Variants in PTPRM observed in about 807,000 individuals in gnomAD.
PTPRM encodes receptor-type tyrosine-protein phosphatase mu.
PTPRM carries 47 observed loss-of-function variants against 186.7 expected under a neutral mutation model. That is an observed-to-expected ratio of 0.25 (90% CI 0.20 to 0.32). PTPRM has a LOEUF of 0.32. Among genes scored for constraint, PTPRM ranks in the 10% least tolerant of loss-of-function variants. The pLI, the probability that PTPRM is intolerant of heterozygous loss-of-function variation, is 1.00. For synonymous variants in PTPRM, 668 were observed against 674.9 expected, an observed-to-expected ratio of 0.99 and a Z score of 0.16; for missense variants, 1,494 against 1,865.0, an observed-to-expected ratio of 0.80 and a Z score of 3.66.
At chr18:8,021,110 G>A (rs1363976840) in intron 7 of PTPRM, among the ~76,000 whole-genome samples, 2 of 152,106 alleles carry the variant, frequency 1.3e-5, no homozygotes, top group Non-Finnish European at 2.9e-5. Context: ...CTGAGTAGCA[G>A]TACCTGTTGA....
intron 14 of PTPRM, among the ~76,000 whole-genome samples, chr18:8,207,959 A>G (rs1408030539): frequency 6.6e-6 from 1 of 152,230 alleles, no homozygotes; most frequent in Non-Finnish European, 1.5e-5. Flanking sequence ...TATATCTGCC[A>G]ACAAATATTC....
intron 11 of PTPRM, among the ~76,000 whole-genome samples, chr18:8,089,487 G>A (rs1293894022): frequency 2.0e-5 from 3 of 152,102 alleles, no homozygotes; most frequent in Admixed American, 1.3e-4. Context: ...CCACGACAGA[G>A]CAAAGGATGC....
chr18:8,384,669 A>G lies in PTPRM; in HGVS notation c.4027A>G (p.Ile1343Val), dbSNP rs140015121. 6.2e-7 allele frequency: 1 copy of G among 1,614,154 alleles called. No homozygotes were observed. The change falls in exon 30 of 33, where the codon ATT (isoleucine) becomes GTT (valine). Residue 1343 changes from isoleucine to valine, a missense_variant. Physicochemically the swap from Ile to Val is conservative, Grantham distance 29. This residue lies in a region of PTPRM where 1,107 missense variants were observed against 1,350.2 expected (regional missense o/e 0.82). Coordinates refer to ENST00000580170, the MANE Select transcript of PTPRM (RefSeq NM_001105244.2). ...GGACATCATCAGCAGGATATTCCGCATTTACAATGCCGCCAGAGTAAGAGA... is the reference window on the plus strand; with the variant it reads ...GGACATCATCAGCAGGATATTCCGCGTTTACAATGCCGCCAGAGTAAGAGA... ...EEDIISRIFR[I>V]YNAARPQDGY...
intron 7 of PTPRM, among the ~76,000 whole-genome samples, chr18:8,068,941 T>TAC (rs1056987256): frequency 2.0e-5 from 3 of 151,408 alleles, no homozygotes; most frequent in South Asian, 2.1e-4. Context: ...CGACTAGAAA[T>TAC]ACACACACAC....
chr18:7,827,382 A>G (rs928784519), intron 2 of PTPRM, among the ~76,000 whole-genome samples: 22 of 152,072 alleles, frequency 1.4e-4, no homozygotes, highest in Non-Finnish European at 2.8e-4. Context: ...TTTCTATTAA[A>G]ATTCACCTAA....
chr18:8,001,110 A>G (rs2147768414), intron 7 of PTPRM, among the ~76,000 whole-genome samples: 1 of 152,292 alleles, frequency 6.6e-6, no homozygotes. Flanking sequence ...GAGCAGGGTA[A>G]CATGCTACAT....
chr18:8,157,380 C>T (rs777256466), intron 14 of PTPRM, among the ~76,000 whole-genome samples: 7 of 152,182 alleles, frequency 4.6e-5, no homozygotes, highest in Admixed American at 3.9e-4. Flanking sequence ...TCTTTGTGTC[C>T]GGACATGGGA....
At chr18:8,302,886 G>A (rs1379271795) in intron 20 of PTPRM, among the ~76,000 whole-genome samples, 1 of 152,050 alleles carries the variant, frequency 6.6e-6, no homozygotes, top group Non-Finnish European at 1.5e-5. Context: ...GAGATCAACA[G>A]CAGCTTATGA....
At chr18:7,710,991 T>A (rs563454032) in intron 1 of PTPRM, among the ~76,000 whole-genome samples, 1 of 151,942 alleles carries the variant, frequency 6.6e-6, no homozygotes, top group East Asian at 1.9e-4. Context: ...AGCTACAGAG[T>A]CAACTCAGTT....
At chr18:7,888,796 C>A (rs538781073) in intron 3 of PTPRM, among the ~76,000 whole-genome samples, 31 of 151,978 alleles carry the variant, frequency 2.0e-4, no homozygotes, top group Non-Finnish European at 4.3e-4. Flanking sequence ...TAGTGTGCAG[C>A]CATAAAAAAG....
chr18:7,856,970 C>A (rs150689813), intron 2 of PTPRM, among the ~76,000 whole-genome samples: 1 of 152,308 alleles, frequency 6.6e-6, no homozygotes, highest in African/African-American at 2.4e-5. Context: ...CTCTTGCCCT[C>A]GCTCCTGAAA....
At chr18:7,720,500 A>G (rs1297441005) in intron 1 of PTPRM, among the ~76,000 whole-genome samples, 1 of 152,208 alleles carries the variant, frequency 6.6e-6, no homozygotes. Context: ...AATCCATACT[A>G]CATAAAATTT....
At chr18:7,897,451 A>C (rs2049420857) in intron 3 of PTPRM, among the ~76,000 whole-genome samples, 1 of 152,216 alleles carries the variant, frequency 6.6e-6, no homozygotes, top group Non-Finnish European at 1.5e-5. Flanking sequence ...TCTCTCAAGC[A>C]GGAAAGCTAG....
chr18:8,243,021 C>T (rs1243952725), intron 14 of PTPRM, among the ~76,000 whole-genome samples: 1 of 152,246 alleles, frequency 6.6e-6, no homozygotes, highest in Non-Finnish European at 1.5e-5. Context: ...CTTAAACCTT[C>T]TCACTGTATA....
At position 8,370,967 on chromosome 18, in the gene PTPRM, A is replaced by G; in HGVS notation, c.3132A>G (p.Leu1044=). 1 of 1,604,030 alleles carries G rather than the reference A, an allele frequency of 6.2e-7. No individual in the cohort carries two copies. ...DIKVTLIETE[L]LAEYVIRTFA... ...AAGTTACCCTAATAGAAACAGAACTACTGGCAGAATATGTGATAAGAACAT... is the reference window on the plus strand; with the variant it reads ...AAGTTACCCTAATAGAAACAGAACTGCTGGCAGAATATGTGATAAGAACAT... Residue 1044 remains leucine, a synonymous_variant, in exon 24 of 33, where the codon CTA becomes CTG. Transcript: ENST00000580170.
intron 23 of PTPRM, among the ~76,000 whole-genome samples, chr18:8,356,479 A>T (rs1428757251): frequency 1.3e-5 from 2 of 152,178 alleles, no homozygotes; most frequent in Non-Finnish European, 1.5e-5. Context: ...ACAGGCGTGG[A>T]CACACTTAAA....
At position 8,394,943 on chromosome 18, in the gene PTPRM, G is replaced by A. The variant is rs143596038; in HGVS notation, c.4344+332G>A. 6.5e-3 allele frequency among the ~76,000 whole-genome samples: 995 copies of A among 152,210 alleles called. 8 individuals are homozygous for A. The highest frequency in any genetic ancestry group is 0.02 in the South Asian group (96 of 4,814). ...CACAGAGAAGAAATAATCATAGTACGTGAAATGCCAGATTTTCAAATTATA... is the reference window on the plus strand; with the variant it reads ...CACAGAGAAGAAATAATCATAGTACATGAAATGCCAGATTTTCAAATTATA... On this transcript the variant is annotated intron_variant, in intron 32 of 32. Coordinates refer to ENST00000580170, the MANE Select transcript of PTPRM (RefSeq NM_001105244.2).
intron 7 of PTPRM, among the ~76,000 whole-genome samples, chr18:8,001,135 A>C (rs1051040274): frequency 2.6e-5 from 4 of 152,186 alleles, no homozygotes; most frequent in African/African-American, 9.7e-5. Context: ...CATGTGCCTG[A>C]AGTCATGGGT....
At chr18:7,776,913 A>G (rs1022201931) in intron 2 of PTPRM, among the ~76,000 whole-genome samples, 1 of 152,196 alleles carries the variant, frequency 6.6e-6, no homozygotes, top group African/African-American at 2.4e-5. Context: ...TTTTAAACTG[A>G]GTTTCCAATA....
Sources: allele counts gnomAD v4.1 joint callset (sites outside exome capture counted in the v4.1 genomes callset), GRCh38; gene constraint gnomAD v4.1.1; regional missense constraint gnomAD v4.1.1; transcripts MANE v1.5; gene names NCBI Gene and HGNC (gene_info 2026-07-23, HGNC 2026-07-21).